ACTL6A: variants seen among roughly 807,000 people sequenced by gnomAD.
ACTL6A encodes the protein actin like 6A.
ACTL6A carries 5 observed loss-of-function variants against 59.2 expected under a neutral mutation model. The observed-to-expected ratio is 0.08, with a 90% CI of 0.04 to 0.18. The LOEUF (loss-of-function observed/expected upper bound fraction) is 0.18. ACTL6A is among the 10% of genes least tolerant of loss of function. The pLI is 1.00. For synonymous variants in ACTL6A, 154 were observed against 171.8 expected (o/e 0.90, Z 0.81); for missense variants, 285 against 526.9 (o/e 0.54, Z 4.49).
Position 179,563,088 on chromosome 3 carries a change from C to A in ACTL6A, c.-5C>A, listed in dbSNP as rs1006338216. On this transcript the variant is annotated 5_prime_UTR_variant, in exon 1 of 14. Transcript: ENST00000429709. ...CTTAGGGTAGGAGTCGCGCCGGCAG[C>A]AGCCATGAGCGGCGGCGTGTACGGG... 2 of 1,612,096 alleles carry A rather than the reference C, an allele frequency of 1.2e-6. No homozygotes were observed. Among genetic ancestry groups the A allele is most frequent in the Admixed American group, 1.7e-5 (1 of 59,946 alleles).
chr3:179,581,533 G>A (rs777698488), intron 11 of ACTL6A, among the ~76,000 whole-genome samples: 83 of 152,280 alleles, frequency 5.5e-4, no homozygotes, highest in Non-Finnish European at 9.9e-4. Flanking sequence ...ATCAGACAGC[G>A]CAGATATAGA....
chr3:179,570,324 ACATC>A lies in ACTL6A; in HGVS notation c.277+84_277+87del, dbSNP rs1717967147. On this transcript the variant is annotated intron_variant, in intron 3 of 13. Coordinates refer to ENST00000429709, the MANE Select transcript of ACTL6A (RefSeq NM_004301.5). This position sits in a 1 kb window ranked among gnomAD's most constrained non-coding sequence, Gnocchi z 4.3. ...AAAGTAGTAGCTTCCTATAAGTTGA[ACATC>A]AACCATGGTTTTTTGTTTTGTTTTG... 7.2e-6 allele frequency: 9 copies of A among 1,253,672 alleles called. No individual in the cohort carries two copies. The highest frequency in any genetic ancestry group is 2.3e-4 in the Middle Eastern group (1 of 4,432). The allele number at this position is 1,253,672 out of a possible 1,614,324, so 77.7% of individuals were successfully genotyped here.
chr3:179,576,601 T>A lies in ACTL6A; in HGVS notation c.572-19T>A. 1.5e-5 allele frequency: 24 copies of A among 1,588,190 alleles called. No homozygotes were observed. The highest frequency in any genetic ancestry group is 1.9e-5 in the Non-Finnish European group (22 of 1,157,992). On this transcript the variant is annotated intron_variant, in intron 6 of 13. Transcript: ENST00000429709. ...TTTGGACTTACTGCCCTCTTAGCCT[T>A]GTTTCATCTGTTTCATAGGCATTGT... is the stretch of plus-strand genomic sequence containing the variant.
chr3:179,579,453 T>TACACAC (rs1477872220), intron 8 of ACTL6A, among the ~76,000 whole-genome samples: 42 of 55,276 alleles, frequency 7.6e-4, no homozygotes, highest in South Asian at 2.3e-3. Flanking sequence ...ATTTATATCA[T>TACACAC]ATACACACAC....
intron 13 of ACTL6A, among the ~76,000 whole-genome samples, chr3:179,587,700 A>G (rs754011140): frequency 1.1e-4 from 17 of 151,932 alleles, no homozygotes; most frequent in Non-Finnish European, 2.2e-4. Context: ...ATAGTGTGAG[A>G]CCCCATCTCT....
At chr3:179,567,203 T>TA in intron 1 of ACTL6A, among the ~76,000 whole-genome samples, 1 of 152,122 alleles carries the variant, frequency 6.6e-6, no homozygotes, top group Non-Finnish European at 1.5e-5. Context: ...CCATGTCTAC[T>TA]AAAAATATAA....
Position 179,587,993 on chromosome 3 carries a change from G to C in ACTL6A, c.1273G>C (p.Glu425Gln). 2.5e-6 allele frequency: 4 copies of C among 1,603,260 alleles called. No individual in the cohort carries two copies. Among genetic ancestry groups the C allele is most frequent in the Non-Finnish European group, 3.4e-6 (4 of 1,177,154 alleles). ...TGAAGAAGGAGGGAAGCAGTGTGTA[G>C]AAAGAAAATGCCCTTGAGAAAGAGT... ...EYEEGGKQCVERKCP is the reference protein window; with the variant it reads ...EYEEGGKQCVQRKCP The change falls in exon 14 of 14, where the codon GAA becomes CAA. Residue 425 changes from glutamate to glutamine, a missense_variant. Coordinates refer to ENST00000429709, the MANE Select transcript of ACTL6A (RefSeq NM_004301.5).
intron 12 of ACTL6A, among the ~76,000 whole-genome samples, chr3:179,584,979 T>C (rs1331353688): frequency 6.6e-6 from 1 of 152,220 alleles, no homozygotes; most frequent in Non-Finnish European, 1.5e-5. Flanking sequence ...TTATTAAAAG[T>C]GATATCTAAA....
chr3:179,565,276 A>T (rs1717798453), intron 1 of ACTL6A, among the ~76,000 whole-genome samples: 5 of 151,902 alleles, frequency 3.3e-5, no homozygotes, highest in Admixed American at 3.3e-4. Flanking sequence ...GTCTCTACTA[A>T]AAATACAAAA....
At chr3:179,571,742 A>G (rs1377893318) in intron 3 of ACTL6A, among the ~76,000 whole-genome samples, 1 of 152,228 alleles carries the variant, frequency 6.6e-6, no homozygotes, top group East Asian at 1.9e-4. Flanking sequence ...AGGATTTTAC[A>G]GAGGGCTGGT....
intron 3 of ACTL6A, among the ~76,000 whole-genome samples, chr3:179,571,595 G>A (rs1300475293): frequency 6.6e-6 from 1 of 152,176 alleles, no homozygotes; most frequent in African/African-American, 2.4e-5. Flanking sequence ...AGGGAAAAGG[G>A]ACAGGGGATG....
At chr3:179,575,513 C>G (rs922334598) in intron 5 of ACTL6A, 3 of 449,918 alleles carry the variant, frequency 6.7e-6, no homozygotes, top group African/African-American at 4.0e-5. Flanking sequence ...AGGTGAGCAG[C>G]CTCCCTCCTT....
chr3:179,586,075 C>T (rs983995166), intron 12 of ACTL6A, among the ~76,000 whole-genome samples: 1 of 152,114 alleles, frequency 6.6e-6, no homozygotes, highest in African/African-American at 2.4e-5. Flanking sequence ...AAAGACTTAG[C>T]ACAGCACCAG....
intron 1 of ACTL6A, among the ~76,000 whole-genome samples, chr3:179,566,851 G>A (rs994469696): frequency 2.0e-5 from 3 of 152,046 alleles, no homozygotes; most frequent in Non-Finnish European, 2.9e-5. Flanking sequence ...GGCCACGCCC[G>A]GCTAATTTTT....
At position 179,580,627 on chromosome 3, in the gene ACTL6A, C is replaced by T; in HGVS notation, c.769-13C>T. 2 of 1,578,822 alleles carry T rather than the reference C, an allele frequency of 1.3e-6. No homozygotes were observed. The highest frequency in any genetic ancestry group is 3.6e-5 in the Admixed American group (2 of 54,798). ...TCTCAACCTTGTTTGTTACTTTTTT[C>T]TTTTACTCACAGTGTGTTATCCAGG... On this transcript the variant is annotated splice_polypyrimidine_tract_variant and intron_variant, in intron 8 of 13. Transcript: ENST00000429709.
chr3:179,574,301 A>T lies in ACTL6A; in HGVS notation c.379-69A>T, dbSNP rs375001384. 9.6e-6 allele frequency: 9 copies of T among 941,622 alleles called. No homozygotes were observed. In the East Asian group the frequency reaches 9.6e-5, roughly 10 times the overall value. The allele number at this position is 941,622 out of a possible 1,614,324, so 58.3% of individuals were successfully genotyped here. A position where few individuals can be genotyped will look rare whatever the true frequency, so the allele number is the denominator to read the frequency against. ...TATATCTTTGTTAATATAGTGCTAG[A>T]TTTTATCTGGAGATAAATCAACTTT... On this transcript the variant is annotated intron_variant, in intron 4 of 13. Coordinates refer to ENST00000429709, the MANE Select transcript of ACTL6A (RefSeq NM_004301.5).
chr3:179,564,653 C>T (rs1717776868), intron 1 of ACTL6A, among the ~76,000 whole-genome samples: 1 of 152,154 alleles, frequency 6.6e-6, no homozygotes, highest in Non-Finnish European at 1.5e-5. Flanking sequence ...AATTAAAATT[C>T]CACCATATCC....
chr3:179,567,778 C>T (rs972421578), intron 1 of ACTL6A, among the ~76,000 whole-genome samples: 1 of 152,066 alleles, frequency 6.6e-6, no homozygotes, highest in African/African-American at 2.4e-5. Context: ...ATAATTTGGA[C>T]CAGAGAATTT....
chr3:179,570,665 G>A lies in ACTL6A; in HGVS notation c.277+424G>A, dbSNP rs370457990. 3.6e-4 allele frequency among the ~76,000 whole-genome samples: 55 copies of A among 152,326 alleles called. No individual in the cohort carries two copies. In the South Asian group the frequency reaches 0.011, roughly 30 times the overall value. On this transcript the variant is annotated intron_variant, in intron 3 of 13. Transcript: ENST00000429709. This position sits in a 1 kb window ranked among gnomAD's most constrained non-coding sequence, Gnocchi z 4.3. ...GTAAAGCAAAGGGACCAGCATGTGT[G>A]AAGGGATGGAATTGTGAAAGAAACT...
Sources: gnomAD v4.1 joint callset for allele counts (sites outside exome capture counted in the v4.1 genomes callset) on GRCh38, gnomAD v4.1.1 for gene constraint, Gnocchi (gnomAD v3.1) non-coding constraint, MANE v1.5 for transcripts, NCBI Gene and HGNC (gene_info 2026-07-23, HGNC 2026-07-21) for gene names.